NTM: variants seen among roughly 807,000 people sequenced by gnomAD.
The protein encoded by NTM is neurotrimin.
Under a neutral mutation model 42.1 loss-of-function variants are expected in NTM, and 13 were observed. The ratio of observed to expected loss-of-function variants is 0.31; its 90% CI spans 0.20 to 0.49. The LOEUF is 0.49. Ranked by LOEUF, NTM falls within the 20% of genes least tolerant of loss-of-function variation. The pLI, the probability that NTM is intolerant of heterozygous loss-of-function variation, is 0.99. For synonymous variants in NTM, 187 were observed against 179.2 expected (o/e 1.04, Z -0.35); for missense variants, 373 against 452.8 (o/e 0.82, Z 1.60).
chr11:132,322,135 A>G (rs1472741788), intron 7 of NTM, among the ~76,000 whole-genome samples: 2 of 152,102 alleles, frequency 1.3e-5, no homozygotes, highest in East Asian at 3.9e-4. Flanking sequence ...GAGCAAAATA[A>G]CCAGCTAACA....
intron 1 of NTM, among the ~76,000 whole-genome samples, chr11:131,895,668 T>C (rs1036567471): frequency 2.6e-5 from 4 of 152,058 alleles, no homozygotes; most frequent in Non-Finnish European, 2.9e-5. Context: ...TTTCACATTA[T>C]ATATGTGAAA....
chr11:131,900,810 G>A (rs71483700), intron 1 of NTM, among the ~76,000 whole-genome samples: 9,579 of 152,248 alleles, frequency 0.063, 394 homozygotes, highest in East Asian at 0.12. Context: ...AGCAATACTA[G>A]GAGAATTTTT....
At chr11:131,818,801 T>C (rs2093056601) in intron 1 of NTM, among the ~76,000 whole-genome samples, 1 of 152,200 alleles carries the variant, frequency 6.6e-6, no homozygotes, top group African/African-American at 2.4e-5. Flanking sequence ...CTATGTGGAC[T>C]ATAATGGGAA....
At chr11:132,051,969 A>C (rs1015783836) in intron 2 of NTM, among the ~76,000 whole-genome samples, 2 of 152,194 alleles carry the variant, frequency 1.3e-5, no homozygotes, top group African/African-American at 4.8e-5. Context: ...TAGTTGGTCC[A>C]TTGCTCATCT....
chr11:131,548,373 G>T (rs114497980), intron 1 of NTM, among the ~76,000 whole-genome samples: 1 of 152,030 alleles, frequency 6.6e-6, no homozygotes, highest in Non-Finnish European at 1.5e-5. Flanking sequence ...GTCAAGAAAG[G>T]CATAAAAATT....
intron 3 of NTM, among the ~76,000 whole-genome samples, chr11:132,181,790 TCTAA>T (rs1388692053): frequency 6.6e-6 from 1 of 152,110 alleles, no homozygotes; most frequent in Non-Finnish European, 1.5e-5. Context: ...AGGAGTGAAT[TCTAA>T]CTGTCTCTGT....
At chr11:131,944,278 G>C (rs1242837998) in intron 2 of NTM, among the ~76,000 whole-genome samples, 1 of 152,180 alleles carries the variant, frequency 6.6e-6, no homozygotes, top group African/African-American at 2.4e-5. Context: ...GTTATGTGCT[G>C]GGCTTTATTA....
chr11:131,953,502 A>G (rs12295314), intron 2 of NTM, among the ~76,000 whole-genome samples: 41,372 of 152,076 alleles, frequency 0.27, 5,974 homozygotes, highest in Middle Eastern at 0.44. Flanking sequence ...GAAATGTAGC[A>G]TTAAAATTAT....
At chr11:131,866,255 C>T (rs922500801) in intron 1 of NTM, among the ~76,000 whole-genome samples, 2 of 151,978 alleles carry the variant, frequency 1.3e-5, no homozygotes, top group South Asian at 4.1e-4. Flanking sequence ...CTTCTTTTTC[C>T]ATTCAGCCTT....
chr11:131,432,836 A>ATTTT (rs1565494754), intron 1 of NTM, among the ~76,000 whole-genome samples: 2 of 87,420 alleles, frequency 2.3e-5, no homozygotes, highest in African/African-American at 9.1e-5. Flanking sequence ...AAGATTTAGC[A>ATTTT]TTCTTTTTTT....
At chr11:131,806,187 C>G (rs775801995) in intron 1 of NTM, among the ~76,000 whole-genome samples, 2 of 152,162 alleles carry the variant, frequency 1.3e-5, no homozygotes, top group Non-Finnish European at 2.9e-5. Flanking sequence ...TTGAGTTTTT[C>G]TGTAAGTCTA....
At position 132,003,333 on chromosome 11, in the gene NTM, C is replaced by T. The variant is rs1019227219; in HGVS notation, c.167+91685C>T. On this transcript the variant is annotated intron_variant, in intron 2 of 8. Coordinates refer to ENST00000683400, the MANE Select transcript of NTM (RefSeq NM_001352005.2). This position sits in a 1 kb window ranked among gnomAD's most constrained non-coding sequence, Gnocchi z 6.0. ...CAATCACAGCTTACTGCAGCCTCAA[C>T]CTCCTGGGCTCAAATGATCCTCACA... Among the ~76,000 whole-genome samples the T allele has an allele frequency of 4.6e-5, 7 of 151,510 alleles. No individual in the cohort carries two copies. The highest frequency in any genetic ancestry group is 1.2e-4 in the African/African-American group (5 of 41,222).
At chr11:131,906,704 G>A (rs2053910291) in intron 1 of NTM, among the ~76,000 whole-genome samples, 1 of 152,122 alleles carries the variant, frequency 6.6e-6, no homozygotes, top group Admixed American at 6.5e-5. Flanking sequence ...CCATCGCTCT[G>A]CTTTATGCAT....
At chr11:132,219,937 T>C (rs2084798591) in intron 4 of NTM, among the ~76,000 whole-genome samples, 1 of 152,222 alleles carries the variant, frequency 6.6e-6, no homozygotes, top group Non-Finnish European at 1.5e-5. Flanking sequence ...AATGGATAGA[T>C]ATTCAAAGGT....
chr11:131,963,698 C>T (rs1352918275), intron 2 of NTM, among the ~76,000 whole-genome samples: 1 of 152,174 alleles, frequency 6.6e-6, no homozygotes, highest in African/African-American at 2.4e-5. Flanking sequence ...GAATAAATAA[C>T]ACAGTAATTG....
chr11:131,894,125 G>T (rs2051832986), intron 1 of NTM, among the ~76,000 whole-genome samples: 1 of 152,188 alleles, frequency 6.6e-6, no homozygotes, highest in African/African-American at 2.4e-5. Context: ...ATGGACTTCT[G>T]GATAACAATC....
At chr11:131,811,820 T>C (rs115463810) in intron 1 of NTM, among the ~76,000 whole-genome samples, 2,328 of 152,278 alleles carry the variant, frequency 0.015, 53 homozygotes, top group African/African-American at 0.051. Context: ...TGTTGGAATA[T>C]TAAAATACAG....
intron 1 of NTM, among the ~76,000 whole-genome samples, chr11:131,729,691 G>A (rs1284808710): frequency 2.0e-5 from 3 of 152,074 alleles, no homozygotes; most frequent in Non-Finnish European, 4.4e-5. Context: ...TCAATATGTG[G>A]CCTTTTGTTT....
At chr11:131,702,537 G>C (rs1481277961) in intron 1 of NTM, among the ~76,000 whole-genome samples, 1 of 152,152 alleles carries the variant, frequency 6.6e-6, no homozygotes, top group Non-Finnish European at 1.5e-5. Flanking sequence ...CCTGAGTGAG[G>C]GAAGAGTGCC....
Sources: allele counts gnomAD v4.1 joint callset (sites outside exome capture counted in the v4.1 genomes callset), GRCh38; gene constraint gnomAD v4.1.1; non-coding constraint Gnocchi (gnomAD v3.1); transcripts MANE v1.5; gene names NCBI Gene and HGNC (gene_info 2026-07-23, HGNC 2026-07-21).